Variants in INPP1 observed in about 807,000 individuals in gnomAD.
The protein encoded by INPP1 is inositol polyphosphate 1-phosphatase.
A neutral mutation model predicts 23.0 loss-of-function variants in INPP1; 18 were observed. The ratio of observed to expected loss-of-function variants is 0.78; its 90% confidence interval spans 0.54 to 1.16. The LOEUF is 1.16. Ranked by LOEUF, INPP1 falls within the 50% of genes most tolerant of loss-of-function variation. The pLI is 0.00. For synonymous variants in INPP1, 164 were observed against 176.3 expected, an observed-to-expected ratio of 0.93 and a Z score of 0.55; for missense variants, 448 against 482.1, an observed-to-expected ratio of 0.93 and a Z score of 0.66.
intron 2 of INPP1, among the ~76,000 whole-genome samples, chr2:190,349,746 A>C (rs1475454613): frequency 1.3e-5 from 2 of 152,246 alleles, no homozygotes; most frequent in Non-Finnish European, 2.9e-5. Flanking sequence ...AGCAGAAAAA[A>C]AAATATCTAA....
chr2:190,344,271 G>A, intron 1 of INPP1: 1 of 153,618 alleles, frequency 6.5e-6, no homozygotes, highest in Non-Finnish European at 1.4e-5. Flanking sequence ...GGGGTTGGGG[G>A]GCGGGAAGAA....
rs1689336771 is a variant in INPP1, at chr2:190,352,207, C to T, written c.-65+3176C>T. On this transcript the variant is annotated intron_variant, in intron 2 of 6. Coordinates refer to ENST00000392329, the MANE Select transcript of INPP1 (RefSeq NM_001128928.2). The surrounding 1 kb of genome is among the most constrained non-coding windows in gnomAD (Gnocchi z 4.7). ...AGAAGGGCGTGTCAACCAGAGGGAG[C>T]AGCATGTGCAAATTTACAATCTTCC... Among the ~76,000 whole-genome samples the T allele has an allele frequency of 6.6e-6, 1 of 152,158 alleles. No homozygotes were observed. The highest frequency in any genetic ancestry group is 6.5e-5 in the Admixed American group (1 of 15,268).
At chr2:190,344,624 T>C (rs1001840546) in intron 1 of INPP1, among the ~76,000 whole-genome samples, 2 of 152,240 alleles carry the variant, frequency 1.3e-5, no homozygotes, top group Admixed American at 1.3e-4. Flanking sequence ...GAAAAAAATA[T>C]TTAACCTGGG....
chr2:190,369,719 A>G (rs990825978), intron 6 of INPP1, among the ~76,000 whole-genome samples: 1 of 152,194 alleles, frequency 6.6e-6, no homozygotes, highest in Non-Finnish European at 1.5e-5. Context: ...ATTGGTAGGC[A>G]TGGCCAGGAT....
Position 190,366,752 on chromosome 2 carries a change from G to A in INPP1, c.323G>A (p.Ser108Asn). ...GAGGAGGAAACAGCAGAGCTTCTTAGCAAAGTCCTCAATGGTAACAAGGTG... is the reference window on the plus strand; with the variant it reads ...GAGGAGGAAACAGCAGAGCTTCTTAACAAAGTCCTCAATGGTAACAAGGTG... ...STEEETAELL[S>N]KVLNGNKVAS... The change falls in exon 5 of 7, where the codon AGC (serine) becomes AAC (asparagine). Residue 108 changes from serine (S) to asparagine (N), a missense_variant. Transcript: ENST00000392329. 6.2e-7 allele frequency: 1 copy of A among 1,613,738 alleles called. No individual in the cohort carries two copies. The highest frequency in any genetic ancestry group is 8.5e-7 in the Non-Finnish European group (1 of 1,179,618).
At chr2:190,347,080 C>T (rs1386476946) in intron 1 of INPP1, among the ~76,000 whole-genome samples, 1 of 134,900 alleles carries the variant, frequency 7.4e-6, no homozygotes, top group African/African-American at 2.8e-5. Context: ...GGTGTGATCT[C>T]GGCTCACAGC....
Position 190,371,507 on chromosome 2 carries a change from CT to C in INPP1, c.*107del. On this transcript the variant is annotated 3_prime_UTR_variant, in exon 7 of 7. Coordinates refer to ENST00000392329, the MANE Select transcript of INPP1 (RefSeq NM_001128928.2). This position sits in a 1 kb window ranked among gnomAD's most constrained non-coding sequence, Gnocchi z 5.3. ...TGTCCTGTTGCTGGTTAACATTCAC[CT>C]TCCTCTTTTGAGGAGTATTTTTCCA... 1 of 774,804 alleles carries C rather than the reference CT, an allele frequency of 1.3e-6. No homozygotes were observed. The highest frequency in any genetic ancestry group is 1.9e-6 in the Non-Finnish European group (1 of 515,502). 48.0% of individuals were successfully genotyped at this position (774,804 alleles called of 1,614,324 possible). A position where few individuals can be genotyped will look rare whatever the true frequency, so the allele number is the denominator to read the frequency against.
rs1689194570 is a variant in INPP1 at position 190,345,446 on chromosome 2, T to C, written c.-209+1485T>C. 1.3e-5 allele frequency: 2 copies of C among 152,248 alleles called. No homozygotes were observed. Among genetic ancestry groups the C allele is most frequent in the Admixed American group, 1.3e-4 (2 of 15,288 alleles). 9.4% of individuals were successfully genotyped at this position (152,248 alleles called of 1,614,324 possible). On this transcript the variant is annotated intron_variant, in intron 1 of 6. Coordinates refer to ENST00000392329, the MANE Select transcript of INPP1 (RefSeq NM_001128928.2). The surrounding 1 kb of genome is among the most constrained non-coding windows in gnomAD (Gnocchi z 4.9). ...AAGGTTATTATATATTTATTTTGCTTTTTAATTCTGTCTCTAATAACAGTT... is the reference window on the plus strand; with the variant it reads ...AAGGTTATTATATATTTATTTTGCTCTTTAATTCTGTCTCTAATAACAGTT...
chr2:190,371,280 G>C lies in INPP1; in HGVS notation c.1078G>C (p.Ala360Pro), dbSNP rs1178472461. ...GGTGTACCACGTGGAAAATGAGGGTGCTGCTGGGGTGGATCGGTGGGCCAA... is the reference window on the plus strand; with the variant it reads ...GGTGTACCACGTGGAAAATGAGGGTCCTGCTGGGGTGGATCGGTGGGCCAA... ...QLVYHVENEG[A>P]AGVDRWANKG... The change falls in exon 7 of 7, where the codon GCT (alanine) becomes CCT (proline). Residue 360 changes from alanine to proline, a missense_variant. By Grantham distance (27) the Ala-to-Pro change is conservative. Transcript: ENST00000392329. The surrounding 1 kb of genome is among the most constrained non-coding windows in gnomAD (Gnocchi z 5.3). 6.2e-7 allele frequency: 1 copy of C among 1,611,492 alleles called. No individual in the cohort carries two copies. The highest frequency in any genetic ancestry group is 1.3e-5 in the African/African-American group (1 of 74,858).
At position 190,366,925 on chromosome 2, in the gene INPP1, T is replaced by C. The variant is rs1333784492; in HGVS notation, c.466+30T>C. The stretch of plus-strand genomic sequence containing the variant: ...GTATAGGAAAGTATGTTTGTTCTTA[T>C]TTGCAATCTTTTTTTTGGTGGTGGG... On this transcript the variant is annotated intron_variant, in intron 5 of 6. Coordinates refer to ENST00000392329, the MANE Select transcript of INPP1 (RefSeq NM_001128928.2). 6.8e-6 allele frequency: 10 copies of C among 1,470,008 alleles called. No individual in the cohort carries two copies. The East Asian group carries it at 2.0e-4, about 30-fold the overall frequency. 91.1% of individuals were successfully genotyped at this position (1,470,008 alleles called of 1,614,324 possible).
At chr2:190,370,745 A>T in intron 6 of INPP1, 99 bp from the exon 7 acceptor site, 1 of 811,904 alleles carries the variant, frequency 1.2e-6, no homozygotes, top group Non-Finnish European at 2.0e-6. Context: ...CCATGTTATG[A>T]TGAATTGTGT....
In INPP1 at chr2:190,371,300, G is replaced by A. The variant is rs1471200252; in HGVS notation, c.1098G>A (p.Trp366Ter). The change falls in exon 7 of 7, where the codon TGG becomes TGA. Residue 366 changes from tryptophan (W) to a stop codon, truncating the protein, a stop_gained. Transcript: ENST00000392329. LOFTEE classifies it low-confidence loss of function (END_TRUNC). This position sits in a 1 kb window ranked among gnomAD's most constrained non-coding sequence, Gnocchi z 5.3. ...AGGGTGCTGCTGGGGTGGATCGGTG[G>A]GCCAACAAGGGAGGACTCATTGCAT... is the stretch of plus-strand genomic sequence containing the variant. ...ENEGAAGVDR[W>*]ANKGGLIAYR... 1 of 1,607,616 alleles carries A rather than the reference G, an allele frequency of 6.2e-7. No individual in the cohort carries two copies. Among genetic ancestry groups the A allele is most frequent in the Non-Finnish European group, 8.5e-7 (1 of 1,176,226 alleles).
At chr2:190,347,606 T>C (rs548816362) in intron 1 of INPP1, among the ~76,000 whole-genome samples, 2 of 152,198 alleles carry the variant, frequency 1.3e-5, no homozygotes, top group Admixed American at 6.5e-5. Context: ...ATTTAAAATA[T>C]AGTAAATTAT....
intron 2 of INPP1, among the ~76,000 whole-genome samples, chr2:190,357,232 C>T (rs73981079): frequency 0.013 from 2,049 of 152,206 alleles, 57 homozygotes; most frequent in African/African-American, 0.046. Flanking sequence ...ACATTTGCCT[C>T]GAGGGGCTGA....
At position 190,348,968 on chromosome 2, in the gene INPP1, C is replaced by T. The variant is rs939076785; in HGVS notation, c.-128C>T. On this transcript the variant is annotated 5_prime_UTR_variant, in exon 2 of 7. Coordinates refer to ENST00000392329, the MANE Select transcript of INPP1 (RefSeq NM_001128928.2). ...GCCTAAGAACCAGCTCTCCTGTATC[C>T]CAAGCAAGGCTCTTTCTACCGCACA... The T allele has an allele frequency of 6.6e-6, 1 of 152,246 alleles. No individual in the cohort carries two copies. Among genetic ancestry groups the T allele is most frequent in the Non-Finnish European group, 1.5e-5 (1 of 68,098 alleles). The allele number at this position is 152,246 out of a possible 1,614,324, so 9.4% of individuals were successfully genotyped here.
intron 2 of INPP1, among the ~76,000 whole-genome samples, chr2:190,359,032 G>C (rs1375657932): frequency 1.3e-5 from 2 of 152,200 alleles, no homozygotes; most frequent in Non-Finnish European, 2.9e-5. Flanking sequence ...GGGCGCAGTG[G>C]CTCACACCTG....
At chr2:190,353,589 A>AT (rs1362395318) in intron 2 of INPP1, among the ~76,000 whole-genome samples, 2 of 152,112 alleles carry the variant, frequency 1.3e-5, no homozygotes, top group Non-Finnish European at 2.9e-5. Flanking sequence ...GCTCTGTGAT[A>AT]TTTTTCCAGA....
rs150945952 is a variant in INPP1, at chr2:190,354,171, G to A, written c.-65+5140G>A. Reference sequence around the variant, plus strand: ...GTGCTCACTGCAATATTAATTACTTGGCTGTTAAAGCGAATAGCTTTTAGT... The same window carrying A: ...GTGCTCACTGCAATATTAATTACTTAGCTGTTAAAGCGAATAGCTTTTAGT... On this transcript the variant is annotated intron_variant, in intron 2 of 6. Transcript: ENST00000392329. The surrounding 1 kb of genome is among the most constrained non-coding windows in gnomAD (Gnocchi z 4.8). 4.3e-4 allele frequency among the ~76,000 whole-genome samples: 65 copies of A among 152,272 alleles called. No individual in the cohort carries two copies. The highest frequency in any genetic ancestry group is 1.5e-3 in the African/African-American group (64 of 41,552).
At chr2:190,344,099 G>A (rs2124905869) in intron 1 of INPP1, 138 bp downstream of exon 1, 2 of 260,484 alleles carry the variant, frequency 7.7e-6, no homozygotes, top group South Asian at 6.2e-5. Context: ...GGCGCCGGGA[G>A]GGTTCCTCGC....
Sources: allele counts gnomAD v4.1 joint callset (sites outside exome capture counted in the v4.1 genomes callset), GRCh38; gene constraint gnomAD v4.1.1; non-coding constraint Gnocchi (gnomAD v3.1); transcripts MANE v1.5; gene names NCBI Gene and HGNC (gene_info 2026-07-23, HGNC 2026-07-21).